The following NTNG1 variants were observed in gnomAD, a reference collection of about 807,000 sequenced individuals.
NTNG1 encodes netrin G1, also known as netrin-G1.
NTNG1 carries 16 observed loss-of-function variants against 54.0 expected under a neutral mutation model. The observed-to-expected ratio is 0.30, with a 90% CI of 0.20 to 0.45. The LOEUF is 0.45. Among genes scored for constraint, NTNG1 ranks in the 20% least tolerant of loss-of-function variants. The probability of loss-of-function intolerance (pLI) is 1.00; values close to 1 mark genes in which losing one functional copy is unlikely to be tolerated. For missense variants in NTNG1, 530 were observed against 678.7 expected, an observed-to-expected ratio of 0.78 and a Z score of 2.43; for synonymous variants, 255 against 263.1, an observed-to-expected ratio of 0.97 and a Z score of 0.30.
At chr1:107,386,165 A>ATATTT (rs1307492654) in intron 3 of NTNG1, among the ~76,000 whole-genome samples, 4 of 120,778 alleles carry the variant, frequency 3.3e-5, no homozygotes, top group Non-Finnish European at 5.4e-5. Flanking sequence ...ATATATATAT[A>ATATTT]TTTTTTTTTT....
At chr1:107,341,951 T>G (rs1404928649) in intron 3 of NTNG1, among the ~76,000 whole-genome samples, 1 of 151,772 alleles carries the variant, frequency 6.6e-6, no homozygotes, top group East Asian at 1.9e-4. Flanking sequence ...GGAACAGGGG[T>G]TCCGCAGGAA....
chr1:107,263,793 A>AT (rs1490786154), intron 2 of NTNG1, among the ~76,000 whole-genome samples: 1 of 152,172 alleles, frequency 6.6e-6, no homozygotes, highest in Non-Finnish European at 1.5e-5. Flanking sequence ...AAAAAAATCC[A>AT]TTTTAACATT....
chr1:107,470,046 T>C (rs1677880782), intron 7 of NTNG1, among the ~76,000 whole-genome samples: 2 of 152,152 alleles, frequency 1.3e-5, no homozygotes, highest in South Asian at 2.1e-4. Flanking sequence ...CAGATCCCTT[T>C]AGCTCAGGAA....
In NTNG1 at chr1:107,480,592, C is replaced by CT; in HGVS notation, c.1391-17dup. 7.7e-6 allele frequency: 6 copies of CT among 779,662 alleles called. No homozygotes were observed. Among genetic ancestry groups the CT allele is most frequent in the South Asian group, 1.7e-5 (1 of 57,506 alleles). 48.3% of individuals were successfully genotyped at this position (779,662 alleles called of 1,614,324 possible). On this transcript the variant is annotated intron_variant, in intron 7 of 7. Transcript: ENST00000370068. ...CCTCCCCGCGCCCACCCACCCCTAC[C>CT]TTCCCCCTCATTCTGCAGCGAATGT... is the stretch of plus-strand genomic sequence containing the variant.
At chr1:107,465,461 G>A (rs1677543441) in intron 7 of NTNG1, among the ~76,000 whole-genome samples, 1 of 152,180 alleles carries the variant, frequency 6.6e-6, no homozygotes, top group Non-Finnish European at 1.5e-5. Context: ...TGGAAAAGGA[G>A]TGTTTGTTGT....
intron 2 of NTNG1, among the ~76,000 whole-genome samples, chr1:107,192,649 G>T (rs1658048182): frequency 6.6e-6 from 1 of 151,900 alleles, no homozygotes; most frequent in Non-Finnish European, 1.5e-5. Context: ...TGCCTATCTT[G>T]ATTTTTTGTA....
intron 3 of NTNG1, among the ~76,000 whole-genome samples, chr1:107,342,325 A>C (rs1294990893): frequency 6.6e-6 from 1 of 152,132 alleles, no homozygotes; most frequent in Non-Finnish European, 1.5e-5. Flanking sequence ...ATAATTACAG[A>C]GGCATTACCA....
At chr1:107,417,239 A>G (rs896509851) in intron 5 of NTNG1, among the ~76,000 whole-genome samples, 6 of 152,146 alleles carry the variant, frequency 3.9e-5, no homozygotes, top group African/African-American at 1.4e-4. Flanking sequence ...ATAAATTTTC[A>G]TAGATATCAT....
intron 7 of NTNG1, among the ~76,000 whole-genome samples, chr1:107,458,095 T>C (rs955608226): frequency 2.6e-5 from 4 of 152,166 alleles, no homozygotes; most frequent in Non-Finnish European, 4.4e-5. Context: ...GAAGTGTAAT[T>C]CACCATATGC....
Position 107,227,688 on chromosome 1 carries a change from TCACACACACACATACA to T in NTNG1, c.246+78862_246+78877del, listed in dbSNP as rs1660783238. The stretch of plus-strand genomic sequence containing the variant: ...CTCGCTCTCTCTCTCTCTCTCTCTC[TCACACACACACATACA>T]CACACACACACACAGATAGACAGAC... On this transcript the variant is annotated intron_variant, in intron 2 of 7. Coordinates refer to ENST00000370068, the MANE Select transcript of NTNG1 (RefSeq NM_001113226.3). Among the ~76,000 whole-genome samples, 3 of 148,926 alleles carry T rather than the reference TCACACACACACATACA, an allele frequency of 2.0e-5. No homozygotes were observed. In the South Asian group the frequency reaches 6.3e-4, roughly 31 times the overall value.
At chr1:107,160,053 G>A (rs1233656938) in intron 2 of NTNG1, among the ~76,000 whole-genome samples, 2 of 152,150 alleles carry the variant, frequency 1.3e-5, no homozygotes, top group African/African-American at 4.8e-5. Context: ...GAGAAAAGTA[G>A]TTAGTGTGAT....
In NTNG1 at chr1:107,382,408, A is replaced by G. The variant is rs1671705583; in HGVS notation, c.888-12746A>G. On this transcript the variant is annotated intron_variant, in intron 3 of 7. Transcript: ENST00000370068. ...GACTCTAAAAATGTGACATTGATCCATGTTAAATTATTTTAAATTTCACTT... is the reference window on the plus strand; with the variant it reads ...GACTCTAAAAATGTGACATTGATCCGTGTTAAATTATTTTAAATTTCACTT... Among the ~76,000 whole-genome samples the G allele has an allele frequency of 1.3e-5, 2 of 152,204 alleles. 1 individual carries two copies. The highest frequency in any genetic ancestry group is 4.8e-5 in the African/African-American group (2 of 41,460).
chr1:107,380,750 G>A (rs1671593978), intron 3 of NTNG1, among the ~76,000 whole-genome samples: 1 of 152,080 alleles, frequency 6.6e-6, no homozygotes, highest in Admixed American at 6.6e-5. Context: ...CAGGACCTGG[G>A]GATTCAGCCC....
At chr1:107,247,021 G>A (rs74108667) in intron 2 of NTNG1, among the ~76,000 whole-genome samples, 5,975 of 152,182 alleles carry the variant, frequency 0.039, 377 homozygotes, top group African/African-American at 0.14. Flanking sequence ...CAGCGGATTC[G>A]GAGATGAGGC....
At chr1:107,339,891 C>A (rs1361774173) in intron 3 of NTNG1, among the ~76,000 whole-genome samples, 1 of 152,050 alleles carries the variant, frequency 6.6e-6, no homozygotes, top group Non-Finnish European at 1.5e-5. Context: ...CAGTCCCTGT[C>A]CTCAAGTTGC....
At chr1:107,480,276 A>G (rs1251189671) in intron 7 of NTNG1, among the ~76,000 whole-genome samples, 2 of 152,182 alleles carry the variant, frequency 1.3e-5, no homozygotes, top group Non-Finnish European at 2.9e-5. Context: ...AACCCAAAAG[A>G]TCACAACAGG....
In NTNG1 at chr1:107,276,826, C is replaced by CT. The variant is rs11329482; in HGVS notation, c.247-47444dup. Reference sequence around the variant, plus strand: ...CCTTCCAGGCCATTTAAATTTTCTTCTTTTTTTTTTTTGTCTTATTGAAGA... The same window carrying CT: ...CCTTCCAGGCCATTTAAATTTTCTTCTTTTTTTTTTTTTGTCTTATTGAAGA... On this transcript the variant is annotated intron_variant, in intron 2 of 7. Transcript: ENST00000370068. Among the ~76,000 whole-genome samples the CT allele has an allele frequency of 5.2e-3, 757 of 145,446 alleles. 3 individuals are homozygous for CT. The highest frequency in any genetic ancestry group is 0.011 in the African/African-American group (460 of 40,174).
chr1:107,389,799 T>C (rs960898648), intron 3 of NTNG1, among the ~76,000 whole-genome samples: 1 of 152,100 alleles, frequency 6.6e-6, no homozygotes, highest in African/African-American at 2.4e-5. Context: ...CTCGAGAACA[T>C]CAGACATGTG....
At chr1:107,213,258 A>C (rs1659712352) in intron 2 of NTNG1, among the ~76,000 whole-genome samples, 1 of 152,008 alleles carries the variant, frequency 6.6e-6, no homozygotes, top group Non-Finnish European at 1.5e-5. Flanking sequence ...AATTTTTTGC[A>C]TCACAGCTTT....
Sources: allele counts gnomAD v4.1 joint callset (sites outside exome capture counted in the v4.1 genomes callset), GRCh38; gene constraint gnomAD v4.1.1; transcripts MANE v1.5; gene names NCBI Gene and HGNC (gene_info 2026-07-23, HGNC 2026-07-21).